The following ZNF492 variants were observed in gnomAD, a reference collection of about 807,000 sequenced individuals.
ZNF492 encodes the protein zinc finger protein 115 (Y20).
A neutral mutation model predicts 6.4 loss-of-function variants in ZNF492; 3 were observed. The observed-to-expected ratio is 0.47, with a 90% CI of 0.21 to 1.22. The LOEUF is 1.22. Among genes scored for constraint, ZNF492 ranks in the 50% most tolerant of loss-of-function variants. The probability of loss-of-function intolerance (pLI) is 0.22; values close to 1 mark genes in which losing one functional copy is unlikely to be tolerated. For synonymous variants in ZNF492, 112 were observed against 205.3 expected (o/e 0.55, Z 3.89); for missense variants, 356 against 612.5 (o/e 0.58, Z 4.42).
chr19:22,640,654 G>T (rs1971817179), intron 1 of ZNF492, among the ~76,000 whole-genome samples: 1 of 152,134 alleles, frequency 6.6e-6, no homozygotes, highest in South Asian at 2.1e-4. Context: ...TATCAGAATG[G>T]TGCTGTTTTT....
intron 1 of ZNF492, among the ~76,000 whole-genome samples, chr19:22,647,860 A>T (rs1971900443): frequency 6.7e-6 from 1 of 149,396 alleles, no homozygotes; most frequent in African/African-American, 2.5e-5. Flanking sequence ...CCTCCTGAGT[A>T]GCTGGGATTA....
intron 3 of ZNF492, among the ~76,000 whole-genome samples, chr19:22,655,067 C>A (rs1352271029): frequency 6.6e-6 from 1 of 151,422 alleles, no homozygotes; most frequent in Admixed American, 6.6e-5. Flanking sequence ...CCGAGGCAGG[C>A]GGATCACCTG....
chr19:22,655,675 A>ATTTTTTTTTTTTTTTTTTTTTTT (rs201831166), intron 3 of ZNF492, among the ~76,000 whole-genome samples: 1 of 109,464 alleles, frequency 9.1e-6, no homozygotes, highest in Non-Finnish European at 1.8e-5. Flanking sequence ...CAGTGACTTA[A>ATTTTTTTTTTTTTTTTTTTTTTT]TTTTTTTTTT....
rs1972133671 is a variant in ZNF492 at position 22,666,748 on chromosome 19, T to C, written c.*1483T>C. ...TTTTAGTTTTAGTTAAAATTAAAAA[T>C]AAATTAGTATATTATTTTACTAATT... is the stretch of plus-strand genomic sequence containing the variant. On this transcript the variant is annotated 3_prime_UTR_variant, in exon 4 of 4. Transcript: ENST00000456783. The C allele has an allele frequency of 6.6e-6, 1 of 152,186 alleles. No homozygotes were observed. Among genetic ancestry groups the C allele is most frequent in the Non-Finnish European group, 1.5e-5 (1 of 68,034 alleles). The allele number at this position is 152,186 out of a possible 1,614,324, so 9.4% of individuals were successfully genotyped here. A position where few individuals can be genotyped will look rare whatever the true frequency, so the allele number is the denominator to read the frequency against.
chr19:22,662,824 C>T (rs1972072349), intron 3 of ZNF492, among the ~76,000 whole-genome samples: 1 of 151,650 alleles, frequency 6.6e-6, no homozygotes, highest in African/African-American at 2.4e-5. Flanking sequence ...TTTGTAGATT[C>T]TGGATGTTTG....
chr19:22,655,675 A>ATTTTTTTTTTTTTTTTTTT (rs201831166), intron 3 of ZNF492, among the ~76,000 whole-genome samples: 2 of 109,462 alleles, frequency 1.8e-5, no homozygotes, highest in African/African-American at 8.1e-5. Flanking sequence ...CAGTGACTTA[A>ATTTTTTTTTTTTTTTTTTT]TTTTTTTTTT....
chr19:22,636,514 C>CTGTGTGTGTGTGTG (rs141601969), intron 1 of ZNF492, among the ~76,000 whole-genome samples: 2,441 of 147,258 alleles, frequency 0.017, 14 homozygotes, highest in East Asian at 0.034. Context: ...ACATGATCTT[C>CTGTGTGTGTGTGTG]TGTGTGTGTG....
chr19:22,652,096 T>C (rs1467520977), intron 1 of ZNF492, among the ~76,000 whole-genome samples: 3 of 151,310 alleles, frequency 2.0e-5, no homozygotes, highest in Non-Finnish European at 4.4e-5. Context: ...ACTCACTTGA[T>C]TAATGAACTC....
intron 1 of ZNF492, among the ~76,000 whole-genome samples, chr19:22,646,924 TTC>T (rs1341292157): frequency 6.6e-6 from 1 of 152,156 alleles, no homozygotes; most frequent in Non-Finnish European, 1.5e-5. Context: ...GAGACCGAGT[TTC>T]TCTCTTGTTG....
chr19:22,649,614 C>T (rs1183982809), intron 1 of ZNF492, among the ~76,000 whole-genome samples: 1 of 150,508 alleles, frequency 6.6e-6, no homozygotes, highest in Non-Finnish European at 1.5e-5. Context: ...TTCTCGGAGG[C>T]TTTGTTCATT....
In ZNF492 at chr19:22,665,631, C is replaced by T; in HGVS notation, c.*366C>T. ...AGTTGTGGTAACTTTACTTGTAACA[C>T]AGATCTTGTTGTATTCATTCTGTAT... is the stretch of plus-strand genomic sequence containing the variant. On this transcript the variant is annotated 3_prime_UTR_variant, in exon 4 of 4. Transcript: ENST00000456783. 4.5e-6 allele frequency: 1 copy of T among 220,092 alleles called. No homozygotes were observed. Among genetic ancestry groups the T allele is most frequent in the South Asian group, 6.9e-5 (1 of 14,460 alleles). 13.6% of individuals were successfully genotyped at this position (220,092 alleles called of 1,614,324 possible).
intron 1 of ZNF492, among the ~76,000 whole-genome samples, chr19:22,641,513 TCTGA>T (rs1463603425): frequency 1.3e-5 from 2 of 152,202 alleles, no homozygotes; most frequent in Non-Finnish European, 2.9e-5. Flanking sequence ...TTGTTTTGCT[TCTGA>T]CTGTGTGGTC....
At position 22,653,382 on chromosome 19, in the gene ZNF492, A is replaced by G; in HGVS notation, c.-18A>G. 6.2e-7 allele frequency: 1 copy of G among 1,613,976 alleles called. No homozygotes were observed. The highest frequency in any genetic ancestry group is 2.2e-5 in the East Asian group (1 of 44,872). On this transcript the variant is annotated 5_prime_UTR_variant, in exon 2 of 4. Transcript: ENST00000456783. ...GCAATGCCTGGACACCGCACAGCAG[A>G]ATTTATATAGGAATGTGATGTTAGA...
rs1230386867 is a variant in ZNF492, at chr19:22,665,186, A to G, written c.1517A>G (p.Lys506Arg). Residue 506 changes from lysine (K) to arginine (R), a missense_variant, in exon 4 of 4, where the codon AAA becomes AGA. By Grantham distance (26) the Lys-to-Arg change is conservative (BLOSUM62 2). Around this residue, in one of 7 missense-constraint regions of ZNF492, gnomAD observed 81 missense variants for 115.4 expected, o/e 0.70. Transcript: ENST00000456783. The part of the protein sequence containing the change: ...KMIHTGEKLY[K>R]PESCNNACDN... ...ATTCATACTGGAGAGAAACTCTACA[A>G]ACCTGAAAGTTGTAACAATGCTTGT... 7 of 1,604,346 alleles carry G rather than the reference A, an allele frequency of 4.4e-6. No homozygotes were observed. The Admixed American group carries it at 1.2e-4, about 28-fold the overall frequency.
intron 1 of ZNF492, among the ~76,000 whole-genome samples, chr19:22,640,306 T>G (rs1042388539): frequency 1.1e-4 from 17 of 152,136 alleles, no homozygotes; most frequent in Admixed American, 7.9e-4. Flanking sequence ...GAATTACAGG[T>G]GCTTGCTACC....
intron 1 of ZNF492, among the ~76,000 whole-genome samples, chr19:22,644,157 G>GTA (rs1383407929): frequency 2.6e-4 from 29 of 110,538 alleles, no homozygotes; most frequent in Admixed American, 4.6e-4. Flanking sequence ...AAGATGCGGT[G>GTA]TAATTTGTCC....
Position 22,653,546 on chromosome 19 carries a change from A to G in ZNF492, c.34+113A>G, listed in dbSNP as rs567415420. 14 of 1,144,030 alleles carry G rather than the reference A, an allele frequency of 1.2e-5. No individual in the cohort carries two copies. In the African/African-American group the frequency reaches 3.4e-4, roughly 28 times the overall value. 70.9% of individuals were successfully genotyped at this position (1,144,030 alleles called of 1,614,324 possible). ...TTTCAGATCTCTGTTTTTTGTTTTT[A>G]ACTTCAAGATTTGTCTATGTAGAAA... On this transcript the variant is annotated intron_variant, in intron 2 of 3. Coordinates refer to ENST00000456783, the MANE Select transcript of ZNF492 (RefSeq NM_020855.3).
chr19:22,650,450 G>A (rs186994606), intron 1 of ZNF492, among the ~76,000 whole-genome samples: 62 of 151,680 alleles, frequency 4.1e-4, no homozygotes, highest in African/African-American at 1.5e-3. Context: ...CCTTGGTGGA[G>A]GGGGTATGCT....
intron 3 of ZNF492, among the ~76,000 whole-genome samples, chr19:22,659,712 C>T (rs1334747614): frequency 2.1e-5 from 3 of 144,014 alleles, no homozygotes; most frequent in Non-Finnish European, 4.5e-5. Context: ...GTGTCCCAGG[C>T]TGGAGTGCAG....
Sources: gnomAD v4.1 joint callset for allele counts (sites outside exome capture counted in the v4.1 genomes callset) on GRCh38, gnomAD v4.1.1 for gene constraint, gnomAD v4.1.1 regional missense constraint, MANE v1.5 for transcripts, NCBI Gene and HGNC (gene_info 2026-07-23, HGNC 2026-07-21) for gene names.